Variants in ZBTB43 observed in about 807,000 individuals in gnomAD.
ZBTB43 encodes the protein zinc finger and BTB domain-containing protein 43.
ZBTB43 carries 6 observed loss-of-function variants against 31.1 expected under a neutral mutation model. The ratio of observed to expected loss-of-function variants is 0.19; its 90% confidence interval spans 0.11 to 0.38. The LOEUF (loss-of-function observed/expected upper bound fraction) is 0.38. Ranked by LOEUF, ZBTB43 falls within the 10% of genes least tolerant of loss-of-function variation. The pLI is 1.00. For missense variants in ZBTB43, 379 were observed against 602.1 expected (o/e 0.63, Z 3.88); for synonymous variants, 212 against 221.7 (o/e 0.96, Z 0.39).
intron 2 of ZBTB43, among the ~76,000 whole-genome samples, chr9:126,815,191 TATATA>T: frequency 6.7e-6 from 1 of 148,674 alleles, no homozygotes; most frequent in East Asian, 1.9e-4. Context: ...ATTGTTTATA[TATATA>T]GTTTTCAATA....
chr9:126,833,152 G>C lies in ZBTB43; in HGVS notation c.643G>C (p.Gly215Arg), dbSNP rs755027598. ...GAGCACGGAAATGGCAAGCCAGGAT[G>C]GGGAGGAGGGCGCCAGCGACAGCGC... Reference protein sequence around the residue: ...RLSTEMASQDGEEGASDSAEF... With the variant: ...RLSTEMASQDREEGASDSAEF... Residue 215 changes from glycine to arginine, a missense_variant, in exon 3 of 3, where the codon GGG (glycine) becomes CGG (arginine). Coordinates refer to ENST00000373464, the MANE Select transcript of ZBTB43 (RefSeq NM_014007.4). The surrounding 1 kb of genome is among the most constrained non-coding windows in gnomAD (Gnocchi z 7.9). The C allele has an allele frequency of 3.7e-6, 6 of 1,613,804 alleles. No individual in the cohort carries two copies. Among genetic ancestry groups the C allele is most frequent in the Admixed American group, 1.7e-5 (1 of 60,006 alleles).
chr9:126,825,182 C>G (rs1341787681), intron 2 of ZBTB43, among the ~76,000 whole-genome samples: 4 of 152,120 alleles, frequency 2.6e-5, no homozygotes, highest in African/African-American at 9.7e-5. Flanking sequence ...CTCAAGTGAT[C>G]CTCCCACCTC....
rs2032914780 is a variant in ZBTB43 at position 126,837,822 on chromosome 9, C to T, written c.*3909C>T. ...TGCCCTATGGGGAGATGCTGGAACA[C>T]ATTTTGCAAATGTGACTTTTTTTTT... On this transcript the variant is annotated 3_prime_UTR_variant, in exon 3 of 3. Coordinates refer to ENST00000373464, the MANE Select transcript of ZBTB43 (RefSeq NM_014007.4). The T allele has an allele frequency of 6.1e-6, 1 of 165,028 alleles. No homozygotes were observed. Among genetic ancestry groups the T allele is most frequent in the South Asian group, 2.1e-4 (1 of 4,772 alleles). 10.2% of individuals were successfully genotyped at this position (165,028 alleles called of 1,614,324 possible). A position where few individuals can be genotyped will look rare whatever the true frequency, so the allele number is the denominator to read the frequency against.
chr9:126,828,982 G>A (rs2032711041), intron 2 of ZBTB43, among the ~76,000 whole-genome samples: 1 of 152,146 alleles, frequency 6.6e-6, no homozygotes, highest in Non-Finnish European at 1.5e-5. Flanking sequence ...AGGAAATGCA[G>A]ATCAGAACAG....
At position 126,833,916 on chromosome 9, in the gene ZBTB43, A is replaced by C; in HGVS notation, c.*3A>C. The C allele has an allele frequency of 6.4e-7, 1 of 1,572,876 alleles. No individual in the cohort carries two copies. Among genetic ancestry groups the C allele is most frequent in the Non-Finnish European group, 8.7e-7 (1 of 1,150,690 alleles). On this transcript the variant is annotated 3_prime_UTR_variant, in exon 3 of 3. Transcript: ENST00000373464. This position sits in a 1 kb window ranked among gnomAD's most constrained non-coding sequence, Gnocchi z 7.9. ...AGAATACAACTGAGGCTAACTAAAA[A>C]TAGGATCTGGCCCTTGAGTGGCATG...
chr9:126,826,566 C>T (rs1470409925), intron 2 of ZBTB43, among the ~76,000 whole-genome samples: 1 of 148,758 alleles, frequency 6.7e-6, no homozygotes, highest in Non-Finnish European at 1.5e-5. Context: ...CGGGTTCACG[C>T]CATTCTCCCA....
At chr9:126,807,714 C>T (rs531411797) in intron 1 of ZBTB43, among the ~76,000 whole-genome samples, 8 of 152,256 alleles carry the variant, frequency 5.3e-5, no homozygotes, top group African/African-American at 1.4e-4. Context: ...CGGCTCACTG[C>T]AACCTCCGCC....
intron 2 of ZBTB43, among the ~76,000 whole-genome samples, chr9:126,831,011 GCAGTTTCATT>G (rs2032751864): frequency 6.6e-6 from 1 of 152,120 alleles, no homozygotes; most frequent in Admixed American, 6.5e-5. Flanking sequence ...ACCTCACCTT[GCAGTTTCATT>G]CAGTTTCATA....
At chr9:126,826,291 C>A (rs1351405705) in intron 2 of ZBTB43, among the ~76,000 whole-genome samples, 38 of 151,726 alleles carry the variant, frequency 2.5e-4, no homozygotes, top group Admixed American at 5.3e-4. Flanking sequence ...GGATTACAGG[C>A]ATGAGCCACC....
intron 1 of ZBTB43, among the ~76,000 whole-genome samples, chr9:126,808,125 A>AG (rs2032167631): frequency 6.6e-6 from 1 of 152,114 alleles, no homozygotes; most frequent in African/African-American, 2.4e-5. Flanking sequence ...AATGCACGTG[A>AG]GGGTACAGTT....
At chr9:126,832,367 G>T (rs569320285) in intron 2 of ZBTB43, 120 bp from the exon 3 acceptor site, 2 of 927,532 alleles carry the variant, frequency 2.2e-6, no homozygotes, top group African/African-American at 1.7e-5. Flanking sequence ...CCCTTACCCA[G>T]TGGGGCCCAT....
At chr9:126,820,088 A>C (rs1209555656) in intron 2 of ZBTB43, among the ~76,000 whole-genome samples, 1 of 152,256 alleles carries the variant, frequency 6.6e-6, no homozygotes, top group Non-Finnish European at 1.5e-5. Context: ...TCCGTAATGT[A>C]AAAGTGCAAG....
At chr9:126,806,580 A>G (rs1450566479) in intron 1 of ZBTB43, among the ~76,000 whole-genome samples, 1 of 152,202 alleles carries the variant, frequency 6.6e-6, no homozygotes, top group Non-Finnish European at 1.5e-5. Context: ...TTGTGAATGT[A>G]CTTCACTGAA....
chr9:126,815,706 T>C (rs941124605), intron 2 of ZBTB43, among the ~76,000 whole-genome samples: 1 of 151,660 alleles, frequency 6.6e-6, no homozygotes, highest in Non-Finnish European at 1.5e-5. Context: ...ACATGCTTAA[T>C]CTTTCCTCTA....
At chr9:126,814,308 G>A (rs2032317984) in intron 2 of ZBTB43, among the ~76,000 whole-genome samples, 1 of 149,274 alleles carries the variant, frequency 6.7e-6, no homozygotes. Context: ...TTTTACAGAT[G>A]AAATTTACAT....
intron 2 of ZBTB43, among the ~76,000 whole-genome samples, chr9:126,827,160 C>T (rs113996250): frequency 0.016 from 2,369 of 152,190 alleles, 64 homozygotes; most frequent in African/African-American, 0.054. Flanking sequence ...AAGTTTTTTT[C>T]TCTCTTATCC....
In ZBTB43 at chr9:126,808,776, G is replaced by T. The variant is rs2032182130; in HGVS notation, c.-146-17G>T. On this transcript the variant is annotated splice_polypyrimidine_tract_variant and intron_variant, in intron 1 of 2. Coordinates refer to ENST00000373464, the MANE Select transcript of ZBTB43 (RefSeq NM_014007.4). ...ATAGCATCTCTTTTACATTTTCACT[G>T]TTACTCTTCCTTCCAGAAGTCAATG... 6.6e-6 allele frequency: 1 copy of T among 152,062 alleles called. No homozygotes were observed. The highest frequency in any genetic ancestry group is 1.5e-5 in the Non-Finnish European group (1 of 68,004). 9.4% of individuals were successfully genotyped at this position (152,062 alleles called of 1,614,324 possible). A position where few individuals can be genotyped will look rare whatever the true frequency, so the allele number is the denominator to read the frequency against.
chr9:126,826,471 TTTTTTTTTTTG>T, intron 2 of ZBTB43, among the ~76,000 whole-genome samples: 1 of 133,220 alleles, frequency 7.5e-6, no homozygotes, highest in African/African-American at 2.7e-5. Context: ...TTTTTTTTTT[TTTTTTTTTTTG>T]AGACAGAATC....
chr9:126,813,356 G>A (rs926497654), intron 2 of ZBTB43, among the ~76,000 whole-genome samples: 3 of 152,148 alleles, frequency 2.0e-5, no homozygotes, highest in Non-Finnish European at 4.4e-5. Context: ...ACTTTCTCCT[G>A]CTTTAGTCCG....
Sources: gnomAD v4.1 joint callset for allele counts (sites outside exome capture counted in the v4.1 genomes callset) on GRCh38, gnomAD v4.1.1 for gene constraint, Gnocchi (gnomAD v3.1) non-coding constraint, MANE v1.5 for transcripts, NCBI Gene and HGNC (gene_info 2026-07-23, HGNC 2026-07-21) for gene names.